Variants in CCDC66 observed in about 807,000 individuals in gnomAD.
The protein encoded by CCDC66 is coiled-coil domain containing 66, also known as coiled-coil domain-containing protein 66.
CCDC66 carries 133 observed loss-of-function variants against 128.3 expected under a neutral mutation model. The ratio of observed to expected loss-of-function variants is 1.04; its 90% CI spans 0.90 to 1.20. CCDC66 has a LOEUF of 1.20. CCDC66 is among the 50% of genes most tolerant of loss of function. The pLI is 0.00. For missense variants in CCDC66, 1,126 were observed against 1,075.5 expected (o/e 1.05, Z -0.66); for synonymous variants, 387 against 357.0 (o/e 1.08, Z -0.95).
In CCDC66 at chr3:56,571,301, G is replaced by A; in HGVS notation, c.935G>A (p.Arg312Lys). 1 of 1,501,430 alleles carries A rather than the reference G, an allele frequency of 6.7e-7. No homozygotes were observed. Among genetic ancestry groups the A allele is most frequent in the Non-Finnish European group, 9.1e-7 (1 of 1,100,364 alleles). 93.0% of individuals were successfully genotyped at this position (1,501,430 alleles called of 1,614,324 possible). Reference protein sequence around the residue: ...WEKHQILDQSRETVLLEHPFS... With the variant: ...WEKHQILDQSKETVLLEHPFS... Reference sequence around the variant, plus strand: ...AAACATCAAATTCTTGACCAATCTAGGGTAAGACATCTTAATTGCAATTTT... The same window carrying A: ...AAACATCAAATTCTTGACCAATCTAAGGTAAGACATCTTAATTGCAATTTT... The change falls in exon 7 of 18, where the codon AGG becomes AAG. Residue 312 changes from arginine to lysine, a missense_variant and splice_region_variant. Arg to Lys is a conservative substitution (Grantham distance 26). Transcript: ENST00000394672.
chr3:56,618,257 A>G (rs770730979), intron 15 of CCDC66, 45 bp downstream of exon 15: 4 of 1,531,860 alleles, frequency 2.6e-6, no homozygotes, highest in Non-Finnish European at 3.6e-6. Flanking sequence ...AATGCTTTCT[A>G]TGTGGGACAA....
In CCDC66 at chr3:56,558,875, T is replaced by C; in HGVS notation, c.41T>C (p.Leu14Pro). 1 of 1,549,794 alleles carries C rather than the reference T, an allele frequency of 6.5e-7. No homozygotes were observed. Among genetic ancestry groups the C allele is most frequent in the Non-Finnish European group, 8.7e-7 (1 of 1,145,794 alleles). Residue 14 changes from leucine to proline, a missense_variant, in exon 2 of 18, where the codon CTG (leucine) becomes CCG (proline). Physicochemically the swap from Leu to Pro is moderately conservative, Grantham distance 98 (BLOSUM62 -3). Transcript: ENST00000394672. ...GDGLKLETEL[L>P]DGKTKLILSP... is the part of the protein sequence containing the mutation. ...GGTTTAAAGCTTGAAACTGAATTAC[T>C]GGATGGAAAAACCAAGCTAATATTG...
chr3:56,602,399 A>C (rs2107151300), intron 10 of CCDC66, among the ~76,000 whole-genome samples: 1 of 152,114 alleles, frequency 6.6e-6, no homozygotes, highest in African/African-American at 2.4e-5. Flanking sequence ...TTTTTGCATC[A>C]ATGTTCATCA....
Position 56,575,560 on chromosome 3 carries a change from G to C in CCDC66, c.936+4258G>C, listed in dbSNP as rs536197181. ...CTACTTTTTCACTCTCTTGATAATA[G>C]TGTCCTTTGATGCACAAAAGTCTTT... is the stretch of plus-strand genomic sequence containing the variant. On this transcript the variant is annotated intron_variant, in intron 7 of 17. Coordinates refer to ENST00000394672, the MANE Select transcript of CCDC66 (RefSeq NM_001141947.3). Among the ~76,000 whole-genome samples the C allele has an allele frequency of 4.2e-4, 64 of 151,820 alleles. 1 individual carries two copies. The highest frequency in any genetic ancestry group is 5.7e-4 in the Non-Finnish European group (39 of 68,006).
chr3:56,582,236 A>G (rs4974225), intron 7 of CCDC66, among the ~76,000 whole-genome samples: 127,114 of 151,832 alleles, frequency 0.84, 53,910 homozygotes, highest in Non-Finnish European at 0.91. Flanking sequence ...TAATCTCCTG[A>G]TGTGCCATTT....
chr3:56,594,385 T>C (rs956212284), intron 10 of CCDC66, among the ~76,000 whole-genome samples: 3 of 151,992 alleles, frequency 2.0e-5, no homozygotes, highest in Non-Finnish European at 2.9e-5. Context: ...GAATTATGAC[T>C]AAGAAATCTA....
chr3:56,611,595 A>G (rs1430977135), intron 10 of CCDC66, among the ~76,000 whole-genome samples: 2 of 122,016 alleles, frequency 1.6e-5, no homozygotes, highest in Non-Finnish European at 3.2e-5. Flanking sequence ...TCTGGCAAGG[A>G]AGCTTCTCGT....
chr3:56,609,282 G>C (rs2074476319), intron 10 of CCDC66, among the ~76,000 whole-genome samples: 2 of 152,234 alleles, frequency 1.3e-5, no homozygotes, highest in African/African-American at 4.8e-5. Context: ...TACAGTGTTA[G>C]GTGCATATAT....
chr3:56,585,589 G>C (rs1022903599), intron 7 of CCDC66, among the ~76,000 whole-genome samples: 4 of 151,778 alleles, frequency 2.6e-5, no homozygotes, highest in Admixed American at 2.0e-4. Flanking sequence ...ATCATAATAA[G>C]TTTGCAAATA....
chr3:56,584,850 G>T (rs1353001206), intron 7 of CCDC66, among the ~76,000 whole-genome samples: 1 of 151,972 alleles, frequency 6.6e-6, no homozygotes, highest in Non-Finnish European at 1.5e-5. Context: ...AGCACCTCGG[G>T]AGGCCGAGGC....
At chr3:56,585,903 G>T (rs1159206237) in intron 7 of CCDC66, among the ~76,000 whole-genome samples, 1 of 151,822 alleles carries the variant, frequency 6.6e-6, no homozygotes, top group African/African-American at 2.4e-5. Context: ...AGAATTTTGT[G>T]GTTAGAAAGT....
At chr3:56,587,319 T>G (rs1281240769) in intron 7 of CCDC66, among the ~76,000 whole-genome samples, 1 of 151,930 alleles carries the variant, frequency 6.6e-6, no homozygotes, top group Non-Finnish European at 1.5e-5. Flanking sequence ...TGTTCTCTCA[T>G]TACTGTAAAG....
At chr3:56,597,777 G>GTTTT (rs3064563) in intron 10 of CCDC66, among the ~76,000 whole-genome samples, 7,214 of 87,898 alleles carry the variant, frequency 0.082, 725 homozygotes, top group Middle Eastern at 0.2. Context: ...TTGTTTTGGG[G>GTTTT]TTTTTTTTTT....
intron 7 of CCDC66, among the ~76,000 whole-genome samples, chr3:56,582,145 T>C (rs2068499522): frequency 6.6e-6 from 1 of 151,920 alleles, no homozygotes; most frequent in Admixed American, 6.6e-5. Flanking sequence ...TGCTGCCGCC[T>C]TGCAGTTCAG....
At chr3:56,617,903 T>A in intron 14 of CCDC66, 1 of 569,640 alleles carries the variant, frequency 1.8e-6, no homozygotes, top group Non-Finnish European at 3.1e-6. Context: ...TCCTTTACAC[T>A]TACACAACTT....
intron 6 of CCDC66, chr3:56,570,486 TC>T (rs1176203544): frequency 6.5e-6 from 1 of 152,916 alleles, no homozygotes; most frequent in East Asian, 1.9e-4. Context: ...TGCGGTGGGC[TC>T]ATGCCTGTAA....
At position 56,557,251 on chromosome 3, in the gene CCDC66, G is replaced by GGGGTAAGCAC. The variant is rs1171808260; in HGVS notation, c.11+7_11+8insCGGGTAAGCA. On this transcript the variant is annotated stop_gained and frameshift_variant and splice_region_variant, in exon 1 of 18. Transcript: ENST00000394672. LOFTEE classifies it high-confidence loss of function. ...GAGTGCGAGGTCAGGCCATGAACTT[G>GGGGTAAGCAC]GGGTAAGCAGGGGTAAGCTGGGGTA... The GGGGTAAGCAC allele has an allele frequency of 1.0e-5, 14 of 1,406,916 alleles. No individual in the cohort carries two copies. Among genetic ancestry groups the GGGGTAAGCAC allele is most frequent in the Non-Finnish European group, 9.3e-7 (1 of 1,078,860 alleles). 87.2% of individuals were successfully genotyped at this position (1,406,916 alleles called of 1,614,324 possible).
chr3:56,568,747 G>A (rs2066227566), intron 6 of CCDC66, among the ~76,000 whole-genome samples: 1 of 152,160 alleles, frequency 6.6e-6, no homozygotes, highest in South Asian at 2.1e-4. Flanking sequence ...TGTTGTATCA[G>A]ACAGTATGTA....
intron 7 of CCDC66, among the ~76,000 whole-genome samples, chr3:56,582,177 G>A (rs1429303274): frequency 1.3e-5 from 2 of 151,920 alleles, no homozygotes; most frequent in East Asian, 4.0e-4. Context: ...TGTGCTAGCA[G>A]TGAGCGAGGC....
Sources: allele counts gnomAD v4.1 joint callset (sites outside exome capture counted in the v4.1 genomes callset), GRCh38; gene constraint gnomAD v4.1.1; transcripts MANE v1.5; gene names NCBI Gene and HGNC (gene_info 2026-07-23, HGNC 2026-07-21).